The following LMBR1 variants were observed in gnomAD, a reference collection of about 807,000 sequenced individuals.
LMBR1 encodes the protein limb region 1 protein homolog.
LMBR1 carries 52 observed loss-of-function variants against 73.9 expected under a neutral mutation model. That is an observed-to-expected ratio of 0.70 (90% CI 0.56 to 0.89). LMBR1 has a LOEUF of 0.89. LMBR1 is among the 40% of genes least tolerant of loss of function. The probability of loss-of-function intolerance (pLI) is 0.00; values close to 1 mark genes in which losing one functional copy is unlikely to be tolerated. For missense variants in LMBR1, 539 were observed against 579.8 expected (o/e 0.93, Z 0.72); for synonymous variants, 215 against 209.4 (o/e 1.03, Z -0.23).
chr7:156,828,062 G>A (rs1029627563), intron 3 of LMBR1, among the ~76,000 whole-genome samples: 1 of 152,170 alleles, frequency 6.6e-6, no homozygotes, highest in Non-Finnish European at 1.5e-5. Context: ...CTCCAGTCAT[G>A]GGAGGAAGCT....
At chr7:156,758,136 C>T (rs914234263) in intron 8 of LMBR1, among the ~76,000 whole-genome samples, 48 of 152,194 alleles carry the variant, frequency 3.2e-4, no homozygotes, top group African/African-American at 1.1e-3. Flanking sequence ...GAGCTACTCC[C>T]GAGGAGAAAG....
intron 5 of LMBR1, among the ~76,000 whole-genome samples, chr7:156,765,753 C>T (rs1360557872): frequency 6.6e-6 from 1 of 152,126 alleles, no homozygotes; most frequent in Non-Finnish European, 1.5e-5. Context: ...TCTCTCAATC[C>T]TGTCTTTCCC....
intron 16 of LMBR1, 130 bp from the exon 17 acceptor site, chr7:156,684,293 C>G (rs1190430990): frequency 1.1e-5 from 8 of 706,548 alleles, no homozygotes; most frequent in Non-Finnish European, 1.7e-5. Context: ...CTGGCCAGAT[C>G]CCCTTGAGGA....
At chr7:156,716,291 G>A (rs1188672253) in intron 15 of LMBR1, among the ~76,000 whole-genome samples, 1 of 152,172 alleles carries the variant, frequency 6.6e-6, no homozygotes, top group Non-Finnish European at 1.5e-5. Flanking sequence ...GGAACAATGG[G>A]AACCAAAGCT....
At chr7:156,889,486 C>A (rs1161514889) in intron 1 of LMBR1, among the ~76,000 whole-genome samples, 1 of 152,172 alleles carries the variant, frequency 6.6e-6, no homozygotes, top group Non-Finnish European at 1.5e-5. Context: ...TATTTACATT[C>A]ACTCTAAATA....
At chr7:156,688,459 C>T (rs1033123543) in intron 15 of LMBR1, among the ~76,000 whole-genome samples, 2 of 152,038 alleles carry the variant, frequency 1.3e-5, no homozygotes, top group African/African-American at 4.8e-5. Context: ...CGACATTCGA[C>T]GGAACTCATG....
chr7:156,784,408 T>C (rs1284723949), intron 5 of LMBR1, among the ~76,000 whole-genome samples: 2 of 152,140 alleles, frequency 1.3e-5, no homozygotes, highest in Non-Finnish European at 1.5e-5. Context: ...GGAGCTGTCT[T>C]GTATGTTGGT....
intron 4 of LMBR1, among the ~76,000 whole-genome samples, chr7:156,813,412 T>C (rs942524999): frequency 2.6e-5 from 4 of 152,240 alleles, no homozygotes; most frequent in Admixed American, 1.3e-4. Flanking sequence ...CAAATACTTA[T>C]TGATATCCTT....
At chr7:156,723,412 A>C (rs1186066546) in intron 15 of LMBR1, among the ~76,000 whole-genome samples, 4 of 152,184 alleles carry the variant, frequency 2.6e-5, no homozygotes, top group African/African-American at 9.6e-5. Flanking sequence ...CTAGAGAATT[A>C]GATAGAAATG....
At chr7:156,784,670 A>T (rs1286669804) in intron 5 of LMBR1, among the ~76,000 whole-genome samples, 2 of 152,202 alleles carry the variant, frequency 1.3e-5, no homozygotes, top group Non-Finnish European at 2.9e-5. Flanking sequence ...ATAATATCCT[A>T]TGGGAAAATA....
At chr7:156,748,384 T>G (rs987068777) in intron 9 of LMBR1, among the ~76,000 whole-genome samples, 1 of 152,216 alleles carries the variant, frequency 6.6e-6, no homozygotes, top group African/African-American at 2.4e-5. Context: ...ATTTTTAAAC[T>G]TTTATGTTTA....
chr7:156,825,473 T>C (rs1040621081), intron 4 of LMBR1, among the ~76,000 whole-genome samples: 1 of 152,208 alleles, frequency 6.6e-6, no homozygotes, highest in African/African-American at 2.4e-5. Context: ...CTTGAGGTGA[T>C]AGACACCCTG....
At position 156,815,156 on chromosome 7, in the gene LMBR1, C is replaced by CAAAA. The variant is rs10674367; in HGVS notation, c.319+11445_319+11448dup. ...AGGCAACAAGAGTGAAACTCCGTCTCAAAAAAAAAAAAAAAAAAAGTACAA... is the reference window on the plus strand; with the variant it reads ...AGGCAACAAGAGTGAAACTCCGTCTCAAAAAAAAAAAAAAAAAAAAAAAGTACAA... On this transcript the variant is annotated intron_variant, in intron 4 of 16. Coordinates refer to ENST00000353442, the MANE Select transcript of LMBR1 (RefSeq NM_022458.4). 2.8e-3 allele frequency among the ~76,000 whole-genome samples: 236 copies of CAAAA among 84,268 alleles called. 1 individual carries two copies. The highest frequency in any genetic ancestry group is 0.011 in the African/African-American group (224 of 20,918). 55.3% of individuals were successfully genotyped at this position (84,268 alleles called of 152,430 possible).
intron 1 of LMBR1, among the ~76,000 whole-genome samples, chr7:156,875,867 A>G (rs1417877008): frequency 6.6e-6 from 1 of 151,782 alleles, no homozygotes; most frequent in Non-Finnish European, 1.5e-5. Flanking sequence ...ACCTCTTTAA[A>G]GCATAATTCT....
At chr7:156,846,381 G>A (rs117576992) in intron 1 of LMBR1, among the ~76,000 whole-genome samples, 2,009 of 152,210 alleles carry the variant, frequency 0.013, 29 homozygotes, top group Non-Finnish European at 0.02. Flanking sequence ...GCAACAGAGT[G>A]AGACCCTGTC....
intron 1 of LMBR1, among the ~76,000 whole-genome samples, chr7:156,843,835 C>CAAAAAA: frequency 8.3e-6 from 1 of 120,918 alleles, no homozygotes; most frequent in African/African-American, 3.1e-5. Flanking sequence ...GACCCTGTCT[C>CAAAAAA]AAAAAAAAAA....
At position 156,871,011 on chromosome 7, in the gene LMBR1, CAA is replaced by C. The variant is rs1392476306; in HGVS notation, c.66+21915_66+21916del. On this transcript the variant is annotated intron_variant, in intron 1 of 16. Transcript: ENST00000353442. ...AAATAGAAAAATAGGGAAAAAACAACAAAACTAAGAGTTGGTTTTTTGAAAAG... is the reference window on the plus strand; with the variant it reads ...AAATAGAAAAATAGGGAAAAAACAACAACTAAGAGTTGGTTTTTTGAAAAG... 7.9e-5 allele frequency among the ~76,000 whole-genome samples: 12 copies of C among 151,810 alleles called. No individual in the cohort carries two copies. In the East Asian group the frequency reaches 2.3e-3, roughly 29 times the overall value.
chr7:156,772,538 A>G (rs1182175560), intron 5 of LMBR1, among the ~76,000 whole-genome samples: 2 of 152,130 alleles, frequency 1.3e-5, no homozygotes, highest in African/African-American at 4.8e-5. Context: ...TCCTGGCCAG[A>G]GCAATCTGGC....
rs553395168 is a variant in LMBR1 at position 156,867,024 on chromosome 7, A to G, written c.66+25904T>C. 2.2e-4 allele frequency among the ~76,000 whole-genome samples: 34 copies of G among 152,332 alleles called. No individual in the cohort carries two copies. The South Asian group carries it at 2.3e-3, about 10-fold the overall frequency. On this transcript the variant is annotated intron_variant, in intron 1 of 16. Transcript: ENST00000353442. ...CGGATGTAAGTGACTCTACCACAGC[A>G]TTGGTGACTTTCACAAATTATATAA...
Sources: allele counts gnomAD v4.1 joint callset (sites outside exome capture counted in the v4.1 genomes callset), GRCh38; gene constraint gnomAD v4.1.1; transcripts MANE v1.5; gene names NCBI Gene and HGNC (gene_info 2026-07-23, HGNC 2026-07-21).